The following OR6N1 variants were observed in gnomAD, a reference collection of about 807,000 sequenced individuals.
OR6N1 encodes the protein olfactory receptor 6N1.
For missense variants in OR6N1, 394 were observed against 371.7 expected (o/e 1.06, Z -0.49); for synonymous variants, 170 against 150.7 (o/e 1.13, Z -0.94).
At chr1:158,822,004 A>T in the OR6N1 span, among the ~76,000 whole-genome samples, 2 of 152,112 alleles carry the variant, frequency 1.3e-5, no homozygotes, top group African/African-American at 2.4e-5. Context: ...ATTATTCTTC[A>T]TTTGCAATTC....
the OR6N1 span, among the ~76,000 whole-genome samples, chr1:158,837,146 G>A: frequency 6.6e-6 from 1 of 151,826 alleles, no homozygotes; most frequent in Non-Finnish European, 1.5e-5. Flanking sequence ...TGTTCCATAT[G>A]TTCGTGTGAA....
At chr1:158,836,533 A>C in the OR6N1 span, among the ~76,000 whole-genome samples, 1 of 151,838 alleles carries the variant, frequency 6.6e-6, no homozygotes, top group Non-Finnish European at 1.5e-5. Flanking sequence ...AATTGTTCAA[A>C]GTATTCTCTT....
chr1:158,791,325 T>A, the OR6N1 span, among the ~76,000 whole-genome samples: 53 of 152,302 alleles, frequency 3.5e-4, 1 homozygote, highest in African/African-American at 1.0e-3. Context: ...TTGAAAAAAA[T>A]TAATTTTTCT....
Position 158,765,990 on chromosome 1 carries a change from A to G in OR6N1, c.693T>C (p.Ala231=). 6.2e-7 allele frequency: 1 copy of G among 1,614,222 alleles called. No individual in the cohort carries two copies. Among genetic ancestry groups the G allele is most frequent in the Non-Finnish European group, 8.5e-7 (1 of 1,180,026 alleles). The change falls in exon 2 of 2, where the codon GCT becomes GCC. Residue 231 remains alanine, a synonymous_variant. Transcript: ENST00000641846. ...IICTVLRIPS[A]AGKRKAISTC... ...TGGAGATGGCCTTCCTCTTGCCGGC[A>G]GCTGAGGGAATTCTGAGCACTGTGC...
chr1:158,815,292 C>T, the OR6N1 span, among the ~76,000 whole-genome samples: 1 of 152,136 alleles, frequency 6.6e-6, no homozygotes, highest in African/African-American at 2.4e-5. Context: ...TATATAACTA[C>T]TTAAGTCTCC....
intron 1 of OR6N1, among the ~76,000 whole-genome samples, chr1:158,768,679 C>CT (rs552049953): frequency 5.4e-4 from 83 of 152,304 alleles, no homozygotes; most frequent in Admixed American, 9.8e-4. Context: ...TGCTGTAGCT[C>CT]TTTCCTTGTT....
chr1:158,787,327 T>A, the OR6N1 span, among the ~76,000 whole-genome samples: 15 of 152,066 alleles, frequency 9.9e-5, no homozygotes, highest in Non-Finnish European at 1.6e-4. Context: ...GTGAACCAAC[T>A]AAACCCCTTT....
At chr1:158,838,227 T>C in the OR6N1 span, among the ~76,000 whole-genome samples, 5 of 152,046 alleles carry the variant, frequency 3.3e-5, no homozygotes, top group Non-Finnish European at 7.4e-5. Context: ...ATCCTTGTGT[T>C]TCAGCTTGAA....
Position 158,766,341 on chromosome 1 carries a change from G to C in OR6N1, c.342C>G (p.Leu114=). 2 of 1,614,080 alleles carry C rather than the reference G, an allele frequency of 1.2e-6. No individual in the cohort carries two copies. Among genetic ancestry groups the C allele is most frequent in the Non-Finnish European group, 1.7e-6 (2 of 1,179,992 alleles). Residue 114 remains leucine (L), a synonymous_variant, in exon 2 of 2, where the codon CTC becomes CTG. Transcript: ENST00000641846. ...FHSLGATECY[L]LTAMAYDRYL... is the part of the protein sequence containing the mutation. ...ACCTATCGTAGGCCATAGCTGTCAGGAGATAGCACTCAGTCGCTCCAAGGG... is the reference window on the plus strand; with the variant it reads ...ACCTATCGTAGGCCATAGCTGTCAGCAGATAGCACTCAGTCGCTCCAAGGG...
At chr1:158,782,519 T>C in the OR6N1 span, among the ~76,000 whole-genome samples, 1 of 152,112 alleles carries the variant, frequency 6.6e-6, no homozygotes. Context: ...ACCACTGGAG[T>C]TGTGGGACAT....
chr1:158,796,793 G>C, the OR6N1 span, among the ~76,000 whole-genome samples: 1 of 151,662 alleles, frequency 6.6e-6, no homozygotes, highest in Non-Finnish European at 1.5e-5. Context: ...TCTTTAAATT[G>C]AAAAATTATT....
chr1:158,783,300 G>A, the OR6N1 span, among the ~76,000 whole-genome samples: 7 of 152,300 alleles, frequency 4.6e-5, no homozygotes, highest in South Asian at 8.3e-4. Context: ...CTACTTGTAC[G>A]TTGAAGTGCC....
the OR6N1 span, among the ~76,000 whole-genome samples, chr1:158,818,410 C>T: frequency 6.6e-6 from 1 of 152,196 alleles, no homozygotes; most frequent in Non-Finnish European, 1.5e-5. Context: ...TTCAGTGTCA[C>T]TTCACCTGAT....
upstream of OR6N1, chr1:158,775,722 G>T (rs1331278599): frequency 6.6e-6 from 1 of 151,862 alleles, no homozygotes; most frequent in African/African-American, 2.4e-5. Context: ...GAAATAAATT[G>T]ATTTAAGAAT....
At chr1:158,797,905 C>A in the OR6N1 span, among the ~76,000 whole-genome samples, 2 of 152,030 alleles carry the variant, frequency 1.3e-5, no homozygotes, top group African/African-American at 2.4e-5. Context: ...AAGCAAGCTG[C>A]CACTGATGTT....
At chr1:158,782,387 A>G in the OR6N1 span, among the ~76,000 whole-genome samples, 1 of 152,150 alleles carries the variant, frequency 6.6e-6, no homozygotes, top group African/African-American at 2.4e-5. Flanking sequence ...CTTTAAACTG[A>G]ACATATTTGG....
the OR6N1 span, among the ~76,000 whole-genome samples, chr1:158,785,269 A>AC: frequency 2.6e-5 from 4 of 152,198 alleles, no homozygotes; most frequent in African/African-American, 9.6e-5. Context: ...TGTGAAATTC[A>AC]GTATATTTTC....
chr1:158,812,803 A>G, the OR6N1 span, among the ~76,000 whole-genome samples: 1 of 152,362 alleles, frequency 6.6e-6, no homozygotes, highest in African/African-American at 2.4e-5. Flanking sequence ...GATCTAAAGT[A>G]CAGCTAAAAA....
the OR6N1 span, among the ~76,000 whole-genome samples, chr1:158,787,645 A>T: frequency 4.8e-4 from 68 of 141,592 alleles, no homozygotes; most frequent in African/African-American, 1.4e-3. Flanking sequence ...TCACACACAC[A>T]CACACACACA....
Sources: gnomAD v4.1 joint callset for allele counts (sites outside exome capture counted in the v4.1 genomes callset) on GRCh38, gnomAD v4.1.1 for gene constraint, MANE v1.5 for transcripts, NCBI Gene and HGNC (gene_info 2026-07-23, HGNC 2026-07-21) for gene names.